The following PIP5K1B variants were observed in gnomAD, a reference collection of about 807,000 sequenced individuals.
PIP5K1B encodes the protein phosphatidylinositol-4-phosphate 5-kinase type 1 beta, also known as phosphatidylinositol 4-phosphate 5-kinase type-1 beta.
PIP5K1B carries 42 observed loss-of-function variants against 67.0 expected under a neutral mutation model. That is an observed-to-expected ratio of 0.63 (90% CI 0.49 to 0.81). PIP5K1B has a LOEUF of 0.81. PIP5K1B is among the 30% of genes least tolerant of loss of function. The pLI, the probability that PIP5K1B is intolerant of heterozygous loss-of-function variation, is 0.00. For missense variants in PIP5K1B, 459 were observed against 646.3 expected (o/e 0.71, Z 3.14); for synonymous variants, 214 against 231.4 (o/e 0.92, Z 0.68).
At chr9:68,793,979 G>A (rs1486987261) in intron 2 of PIP5K1B, among the ~76,000 whole-genome samples, 1 of 152,194 alleles carries the variant, frequency 6.6e-6, no homozygotes, top group Non-Finnish European at 1.5e-5. Flanking sequence ...AAAACCAAGA[G>A]AGCACGGCGC....
rs1463229277 is a variant in PIP5K1B, at chr9:68,994,360, A to G, written c.1620+3103A>G. Among the ~76,000 whole-genome samples the G allele has an allele frequency of 6.6e-5, 10 of 152,288 alleles. No individual in the cohort carries two copies. In the East Asian group the frequency reaches 1.7e-3, roughly 26 times the overall value. ...CCTAGCCAAAATTGTTTAAGTATTC[A>G]TTAATTTAAAACAGTAATCTATTAT... On this transcript the variant is annotated intron_variant, in intron 15 of 15. Transcript: ENST00000265382.
chr9:68,776,970 C>A (rs1054979475), intron 2 of PIP5K1B, among the ~76,000 whole-genome samples: 2 of 152,128 alleles, frequency 1.3e-5, no homozygotes, highest in African/African-American at 4.8e-5. Context: ...CATTTTAATT[C>A]TATCAAATTT....
At chr9:68,807,281 A>C (rs565617248) in intron 2 of PIP5K1B, among the ~76,000 whole-genome samples, 1 of 152,304 alleles carries the variant, frequency 6.6e-6, no homozygotes, top group Admixed American at 6.5e-5. Flanking sequence ...AGGCATTTAC[A>C]TTTGTGCCTA....
chr9:68,980,097 G>A (rs903992782), intron 14 of PIP5K1B, among the ~76,000 whole-genome samples: 12 of 152,232 alleles, frequency 7.9e-5, no homozygotes, highest in African/African-American at 2.9e-4. Context: ...CCTGGCAGGA[G>A]CATGAGATGT....
intron 1 of PIP5K1B, among the ~76,000 whole-genome samples, chr9:68,715,327 A>G (rs943002390): frequency 6.6e-6 from 1 of 152,044 alleles, no homozygotes; most frequent in African/African-American, 2.4e-5. Flanking sequence ...GGTCATTGAC[A>G]TGGTTCCAGA....
At chr9:69,007,835 C>T (rs1387944827) in intron 15 of PIP5K1B, among the ~76,000 whole-genome samples, 7 of 150,486 alleles carry the variant, frequency 4.7e-5, no homozygotes, top group African/African-American at 1.5e-4. Flanking sequence ...CCAGCCTGGG[C>T]AACAGAGTGA....
At position 68,947,374 on chromosome 9, in the gene PIP5K1B, G is replaced by A. The variant is rs777181908; in HGVS notation, c.1502+6584G>A. ...CCTCCAGAGACACTGCCCTGAAATG[G>A]AAGAAAGATAAATGAGAGCAGAAAG... On this transcript the variant is annotated intron_variant, in intron 14 of 15. Coordinates refer to ENST00000265382, the MANE Select transcript of PIP5K1B (RefSeq NM_003558.4). Among the ~76,000 whole-genome samples the A allele has an allele frequency of 2.6e-5, 4 of 152,320 alleles. 1 individual carries two copies. In the South Asian group the frequency reaches 6.2e-4, roughly 24 times the overall value.
chr9:68,933,079 A>G (rs1259926560), intron 12 of PIP5K1B, among the ~76,000 whole-genome samples: 1 of 151,748 alleles, frequency 6.6e-6, no homozygotes, highest in East Asian at 1.9e-4. Context: ...AGCCTGGGCA[A>G]CAAGAGCAAA....
intron 5 of PIP5K1B, among the ~76,000 whole-genome samples, chr9:68,871,547 C>T (rs1246558299): frequency 6.6e-6 from 1 of 152,186 alleles, no homozygotes; most frequent in Non-Finnish European, 1.5e-5. Context: ...AATGAACTTG[C>T]CTCAGAAGAG....
chr9:68,818,061 C>T (rs1347448422), intron 2 of PIP5K1B, among the ~76,000 whole-genome samples: 2 of 152,214 alleles, frequency 1.3e-5, no homozygotes, highest in African/African-American at 2.4e-5. Context: ...CATGGTGTCA[C>T]CTCTGTGAAG....
chr9:68,720,942 A>G (rs1299355690), intron 1 of PIP5K1B, among the ~76,000 whole-genome samples: 1 of 152,242 alleles, frequency 6.6e-6, no homozygotes, highest in Non-Finnish European at 1.5e-5. Context: ...TCATAGCTGT[A>G]TAACAGTGAT....
chr9:68,973,861 C>A (rs935356825), intron 14 of PIP5K1B, among the ~76,000 whole-genome samples: 1 of 152,140 alleles, frequency 6.6e-6, no homozygotes, highest in Admixed American at 6.5e-5. Context: ...GCCCTTTGAC[C>A]CATATGTTAC....
intron 2 of PIP5K1B, among the ~76,000 whole-genome samples, chr9:68,810,742 A>T (rs1833118200): frequency 6.6e-6 from 1 of 152,222 alleles, no homozygotes; most frequent in Non-Finnish European, 1.5e-5. Context: ...AGAGTTTTAA[A>T]AAGCTCCTCT....
chr9:68,956,350 T>G (rs10115885), intron 14 of PIP5K1B, among the ~76,000 whole-genome samples: 44,121 of 152,068 alleles, frequency 0.29, 7,616 homozygotes, highest in East Asian at 0.52. Context: ...AGTGCCTGTA[T>G]TCCCAGCTAC....
intron 14 of PIP5K1B, among the ~76,000 whole-genome samples, chr9:68,976,595 T>C (rs1462490356): frequency 6.6e-6 from 1 of 152,210 alleles, no homozygotes; most frequent in Non-Finnish European, 1.5e-5. Flanking sequence ...CCAACCCTTT[T>C]GGCACCAGGG....
At chr9:68,956,878 C>G (rs1012453103) in intron 14 of PIP5K1B, among the ~76,000 whole-genome samples, 1 of 152,086 alleles carries the variant, frequency 6.6e-6, no homozygotes, top group Non-Finnish European at 1.5e-5. Flanking sequence ...CAGCTGAAGC[C>G]CCCAGCATAG....
intron 4 of PIP5K1B, among the ~76,000 whole-genome samples, chr9:68,859,413 C>T (rs1354712141): frequency 2.6e-5 from 4 of 152,162 alleles, no homozygotes; most frequent in Non-Finnish European, 5.9e-5. Flanking sequence ...TTCTAGTATC[C>T]AGGCAACATA....
chr9:69,000,849 C>T (rs892210140), intron 15 of PIP5K1B, among the ~76,000 whole-genome samples: 12 of 151,546 alleles, frequency 7.9e-5, no homozygotes, highest in Non-Finnish European at 5.9e-5. Flanking sequence ...AGGAAAATGC[C>T]GCCGAGGAAA....
intron 14 of PIP5K1B, among the ~76,000 whole-genome samples, chr9:68,986,134 A>G (rs1283888758): frequency 2.0e-5 from 3 of 152,218 alleles, no homozygotes; most frequent in Non-Finnish European, 2.9e-5. Flanking sequence ...GAATTGGTGT[A>G]TCATATTGCT....
Sources: allele counts gnomAD v4.1 joint callset (sites outside exome capture counted in the v4.1 genomes callset), GRCh38; gene constraint gnomAD v4.1.1; transcripts MANE v1.5; gene names NCBI Gene and HGNC (gene_info 2026-07-23, HGNC 2026-07-21).